Variants in KHDRBS2 observed in about 807,000 individuals in gnomAD.
KHDRBS2 encodes KH domain-containing, RNA-binding, signal transduction-associated protein 2.
Under a neutral mutation model 44.3 loss-of-function variants are expected in KHDRBS2, and 26 were observed. That is an observed-to-expected ratio of 0.59 (90% CI 0.43 to 0.81). The LOEUF (loss-of-function observed/expected upper bound fraction) is 0.81, where lower values mean the gene tolerates loss of function less well. Among genes scored for constraint, KHDRBS2 ranks in the 40% least tolerant of loss-of-function variants. The probability of loss-of-function intolerance (pLI) is 0.00; values close to 1 mark genes in which losing one functional copy is unlikely to be tolerated. For missense variants in KHDRBS2, 476 were observed against 433.1 expected (o/e 1.10, Z -0.88); for synonymous variants, 194 against 151.1 (o/e 1.28, Z -2.08).
intron 3 of KHDRBS2, among the ~76,000 whole-genome samples, chr6:62,043,945 A>G (rs144517238): frequency 6.6e-6 from 1 of 152,042 alleles, no homozygotes; most frequent in Non-Finnish European, 1.5e-5. Context: ...AATTTTTTTT[A>G]AAAAAATGTT....
At chr6:62,106,885 T>C (rs538240735) in intron 2 of KHDRBS2, among the ~76,000 whole-genome samples, 2 of 151,928 alleles carry the variant, frequency 1.3e-5, no homozygotes, top group Admixed American at 6.6e-5. Context: ...TTTGACAAAA[T>C]TCAACAACAC....
chr6:61,668,128 T>C, the KHDRBS2 span, among the ~76,000 whole-genome samples: 2 of 151,038 alleles, frequency 1.3e-5, no homozygotes, highest in Non-Finnish European at 3.0e-5. Context: ...CAATATATAG[T>C]ATTATATACC....
chr6:62,179,279 A>T (rs559804467), intron 1 of KHDRBS2, among the ~76,000 whole-genome samples: 1 of 151,686 alleles, frequency 6.6e-6, no homozygotes, highest in African/African-American at 2.4e-5. Context: ...CCCTAAAGAC[A>T]AGTATCTTGA....
chr6:62,259,519 C>T (rs1837977876), intron 1 of KHDRBS2, among the ~76,000 whole-genome samples: 1 of 151,604 alleles, frequency 6.6e-6, no homozygotes, highest in Non-Finnish European at 1.5e-5. Flanking sequence ...TGAATAAACA[C>T]CCTTGTACAT....
intron 4 of KHDRBS2, among the ~76,000 whole-genome samples, chr6:61,946,176 A>G (rs1813343733): frequency 6.6e-6 from 1 of 152,210 alleles, no homozygotes; most frequent in Admixed American, 6.6e-5. Flanking sequence ...TACATCTGAA[A>G]CAACTGGACA....
chr6:61,854,499 AT>A (rs1442843756), intron 6 of KHDRBS2, among the ~76,000 whole-genome samples: 1 of 152,156 alleles, frequency 6.6e-6, no homozygotes, highest in African/African-American at 2.4e-5. Context: ...GTACTCTGAA[AT>A]CATTACAAAA....
chr6:62,220,830 G>C (rs1335075799), intron 1 of KHDRBS2, among the ~76,000 whole-genome samples: 1 of 151,858 alleles, frequency 6.6e-6, no homozygotes, highest in African/African-American at 2.4e-5. Flanking sequence ...AAGTATGTCA[G>C]TGACTATTTC....
chr6:62,260,090 G>A (rs561051330), intron 1 of KHDRBS2, among the ~76,000 whole-genome samples: 1 of 152,034 alleles, frequency 6.6e-6, no homozygotes, highest in East Asian at 1.9e-4. Flanking sequence ...AAGCTGAGCT[G>A]GGACACTCCC....
chr6:61,589,342 C>T, the KHDRBS2 span, among the ~76,000 whole-genome samples: 1 of 152,228 alleles, frequency 6.6e-6, no homozygotes, highest in Middle Eastern at 3.4e-3. Flanking sequence ...CTTTTAGATT[C>T]TCAGAAAGAA....
intron 3 of KHDRBS2, among the ~76,000 whole-genome samples, chr6:61,978,932 T>C (rs1773285640): frequency 6.6e-6 from 1 of 152,106 alleles, no homozygotes; most frequent in Non-Finnish European, 1.5e-5. Context: ...AATGGCATTA[T>C]TTTTAATGGC....
At position 61,699,411 on chromosome 6, in the gene KHDRBS2, G is replaced by GC. The variant is rs201130678; in HGVS notation, c.894-2159dup. ...GGTTTAAAGTTAGATGTCAAGCATTGCCCCCCTATATAATTCTTAATTTAT... is the reference window on the plus strand; with the variant it reads ...GGTTTAAAGTTAGATGTCAAGCATTGCCCCCCCTATATAATTCTTAATTTAT... On this transcript the variant is annotated intron_variant, in intron 7 of 8. Transcript: ENST00000281156. Among the ~76,000 whole-genome samples the GC allele has an allele frequency of 3.3e-5, 5 of 151,938 alleles. No individual in the cohort carries two copies. The South Asian group carries it at 1.0e-3, about 32-fold the overall frequency.
chr6:62,204,247 A>G (rs368434052), intron 1 of KHDRBS2, among the ~76,000 whole-genome samples: 2 of 152,224 alleles, frequency 1.3e-5, no homozygotes, highest in South Asian at 2.1e-4. Flanking sequence ...TTACTAAAAG[A>G]GGATGAAGTG....
At chr6:61,955,363 CATATACGTGTATATAT>C (rs1766597389) in intron 4 of KHDRBS2, among the ~76,000 whole-genome samples, 2 of 119,376 alleles carry the variant, frequency 1.7e-5, no homozygotes, top group African/African-American at 6.7e-5. Context: ...TATATGTATA[CATATACGTGTATATAT>C]ACACATACGT....
the KHDRBS2 span, among the ~76,000 whole-genome samples, chr6:61,663,500 CATATATATAT>C: frequency 0.067 from 2,412 of 36,004 alleles, 560 homozygotes; most frequent in African/African-American, 0.19. Context: ...CATGAGACAC[CATATATATAT>C]ATATATATAT....
chr6:62,178,366 G>A (rs1282830770), intron 1 of KHDRBS2, among the ~76,000 whole-genome samples: 5 of 151,586 alleles, frequency 3.3e-5, no homozygotes, highest in Admixed American at 6.6e-5. Context: ...CTTGGTAAGT[G>A]ATTATAGGAC....
chr6:62,077,485 G>C (rs1273958023), intron 2 of KHDRBS2, among the ~76,000 whole-genome samples: 1 of 152,012 alleles, frequency 6.6e-6, no homozygotes, highest in Non-Finnish European at 1.5e-5. Context: ...CCTCTGTGAT[G>C]ACTTCTTTAT....
intron 1 of KHDRBS2, among the ~76,000 whole-genome samples, chr6:62,283,238 A>G (rs1193585874): frequency 7.2e-5 from 11 of 152,146 alleles, no homozygotes. Flanking sequence ...AATCATTCTC[A>G]TTGAAAACAC....
intron 6 of KHDRBS2, among the ~76,000 whole-genome samples, chr6:61,869,718 C>T (rs1434300308): frequency 1.3e-5 from 2 of 152,096 alleles, no homozygotes; most frequent in African/African-American, 4.8e-5. Context: ...TGAGCCGAAG[C>T]AGGGTGGGGT....
chr6:61,947,773 A>C (rs148176874), intron 4 of KHDRBS2, among the ~76,000 whole-genome samples: 1 of 151,968 alleles, frequency 6.6e-6, no homozygotes, highest in Non-Finnish European at 1.5e-5. Flanking sequence ...GAATATACTG[A>C]GTCATAATGT....
Sources: gnomAD v4.1 joint callset for allele counts (sites outside exome capture counted in the v4.1 genomes callset) on GRCh38, gnomAD v4.1.1 for gene constraint, MANE v1.5 for transcripts, NCBI Gene and HGNC (gene_info 2026-07-23, HGNC 2026-07-21) for gene names.